Variants in RALYL observed in about 807,000 individuals in gnomAD.
RALYL encodes the protein RALY RNA binding protein like.
A neutral mutation model predicts 35.1 loss-of-function variants in RALYL; 29 were observed. The observed-to-expected ratio is 0.83, with a 90% CI of 0.61 to 1.13. The LOEUF (loss-of-function observed/expected upper bound fraction) is 1.13. Among genes scored for constraint, RALYL ranks in the 50% most tolerant of loss-of-function variants. The pLI, the probability that RALYL is intolerant of heterozygous loss-of-function variation, is 0.00. For missense variants in RALYL, 359 were observed against 360.4 expected, an observed-to-expected ratio of 1.00 and a Z score of 0.03; for synonymous variants, 120 against 127.6, an observed-to-expected ratio of 0.94 and a Z score of 0.40.
At position 84,614,467 on chromosome 8, in the gene RALYL, T is replaced by C. The variant is rs147438153; in HGVS notation, c.256+84890T>C. ...TGGTCACTAAACTTTAGATTACATCTTCCCTATTTCTCCAGAATGACTGTG... is the reference window on the plus strand; with the variant it reads ...TGGTCACTAAACTTTAGATTACATCCTCCCTATTTCTCCAGAATGACTGTG... On this transcript the variant is annotated intron_variant, in intron 2 of 8. Transcript: ENST00000521268. Among the ~76,000 whole-genome samples, 118 of 151,836 alleles carry C rather than the reference T, an allele frequency of 7.8e-4. No individual in the cohort carries two copies. The East Asian group carries it at 0.021, about 27-fold the overall frequency.
chr8:84,476,509 G>T (rs1403474132), intron 1 of RALYL, among the ~76,000 whole-genome samples: 1 of 152,112 alleles, frequency 6.6e-6, no homozygotes, highest in Non-Finnish European at 1.5e-5. Flanking sequence ...TTGCCTTAAG[G>T]TTAACAGAAA....
intron 1 of RALYL, among the ~76,000 whole-genome samples, chr8:84,447,576 C>A (rs1185045446): frequency 6.6e-6 from 1 of 151,996 alleles, no homozygotes; most frequent in Non-Finnish European, 1.5e-5. Context: ...GGTGGCTGTC[C>A]TCTCATGGTT....
chr8:84,698,500 G>GT (rs1564394741), intron 2 of RALYL, among the ~76,000 whole-genome samples: 1 of 151,870 alleles, frequency 6.6e-6, no homozygotes, highest in East Asian at 1.9e-4. Context: ...CCAGTTCATC[G>GT]TTTTTTTAGC....
At chr8:84,525,969 T>A in intron 1 of RALYL, among the ~76,000 whole-genome samples, 1 of 146,776 alleles carries the variant, frequency 6.8e-6, no homozygotes, top group Non-Finnish European at 1.5e-5. Flanking sequence ...TTTTTTTTTT[T>A]TTTTTTGAGA....
rs551169473 is a variant in RALYL at position 84,355,618 on chromosome 8, A to G, written c.-24+171194A>G. The stretch of plus-strand genomic sequence containing the variant: ...AAAATGGTAAGTATGCGATATAAAG[A>G]GAATGTGGTAGAGGGTGAAGGAGAT... On this transcript the variant is annotated intron_variant, in intron 1 of 8. Transcript: ENST00000521268. Among the ~76,000 whole-genome samples the G allele has an allele frequency of 2.0e-5, 3 of 150,476 alleles. No homozygotes were observed. In the East Asian group the frequency reaches 5.8e-4, roughly 29 times the overall value.
chr8:84,479,757 C>A (rs948836054), intron 1 of RALYL, among the ~76,000 whole-genome samples: 2 of 152,106 alleles, frequency 1.3e-5, no homozygotes, highest in African/African-American at 4.8e-5. Context: ...AAAAGTGTAT[C>A]CAAATATTCC....
At chr8:84,827,072 T>C (rs753138922) in intron 4 of RALYL, among the ~76,000 whole-genome samples, 2 of 152,092 alleles carry the variant, frequency 1.3e-5, no homozygotes, top group African/African-American at 4.8e-5. Flanking sequence ...TCTTAGAAAT[T>C]AAAAACCTTA....
intron 1 of RALYL, among the ~76,000 whole-genome samples, chr8:84,367,322 T>G (rs374023261): frequency 0.062 from 796 of 12,918 alleles, 19 homozygotes; most frequent in African/African-American, 0.22. Flanking sequence ...TTTTGTATTT[T>G]TTTTTTTTTT....
chr8:84,202,371 T>A lies in RALYL; in HGVS notation c.-24+17947T>A, dbSNP rs866970863. On this transcript the variant is annotated intron_variant, in intron 1 of 8. Coordinates refer to ENST00000521268, the MANE Select transcript of RALYL (RefSeq NM_173848.7). Reference sequence around the variant, plus strand: ...ATTATATGATCTATTGAAGGGATTTTTTTTTTTTTTTTTTTTTTTTGAGAC... The same window carrying A: ...ATTATATGATCTATTGAAGGGATTTATTTTTTTTTTTTTTTTTTTTGAGAC... 3.1e-3 allele frequency among the ~76,000 whole-genome samples: 419 copies of A among 135,006 alleles called. 4 individuals carry two copies. The highest frequency in any genetic ancestry group is 0.01 in the African/African-American group (306 of 29,774). 88.6% of individuals were successfully genotyped at this position (135,006 alleles called of 152,430 possible). A position where few individuals can be genotyped will look rare whatever the true frequency, so the allele number is the denominator to read the frequency against.
intron 3 of RALYL, among the ~76,000 whole-genome samples, chr8:84,792,516 G>A (rs916901845): frequency 2.0e-5 from 3 of 152,192 alleles, no homozygotes; most frequent in Non-Finnish European, 4.4e-5. Flanking sequence ...GGCGTTGCAG[G>A]CCAAAAGGCA....
chr8:84,420,737 A>C lies in RALYL; in HGVS notation c.-23-108562A>C, dbSNP rs1263554123. ...TTGATTTTTGTATAAGGTGTAAGGG[A>C]GGGATCCACTTTCAGCTTCCTACAT... On this transcript the variant is annotated intron_variant, in intron 1 of 8. Coordinates refer to ENST00000521268, the MANE Select transcript of RALYL (RefSeq NM_173848.7). Among the ~76,000 whole-genome samples the C allele has an allele frequency of 8.9e-5, 10 of 112,320 alleles. 1 individual carries two copies. In the East Asian group the frequency reaches 2.0e-3, roughly 23 times the overall value. 73.7% of individuals were successfully genotyped at this position (112,320 alleles called of 152,430 possible). A position where few individuals can be genotyped will look rare whatever the true frequency, so the allele number is the denominator to read the frequency against.
At chr8:84,464,634 A>C (rs377302892) in intron 1 of RALYL, among the ~76,000 whole-genome samples, 1 of 151,752 alleles carries the variant, frequency 6.6e-6, no homozygotes, top group African/African-American at 2.4e-5. Flanking sequence ...AGCATGATTT[A>C]TAGTCCTTTG....
intron 1 of RALYL, among the ~76,000 whole-genome samples, chr8:84,300,490 C>A (rs185068245): frequency 1.4e-3 from 218 of 151,994 alleles, no homozygotes; most frequent in African/African-American, 4.6e-3. Flanking sequence ...TCCTGAATAT[C>A]TTTGTTAGAT....
At chr8:84,302,759 G>T (rs1442217667) in intron 1 of RALYL, among the ~76,000 whole-genome samples, 1 of 152,182 alleles carries the variant, frequency 6.6e-6, no homozygotes, top group Non-Finnish European at 1.5e-5. Context: ...ATCTGCAGGG[G>T]AGTTTAATTA....
intron 1 of RALYL, among the ~76,000 whole-genome samples, chr8:84,454,830 G>C (rs749389447): frequency 6.6e-5 from 10 of 151,996 alleles, no homozygotes; most frequent in Non-Finnish European, 7.4e-5. Context: ...ACAGTGCAAG[G>C]CATGTGGGAG....
intron 4 of RALYL, among the ~76,000 whole-genome samples, chr8:84,815,320 AATAAT>A (rs1300506082): frequency 2.0e-5 from 3 of 150,644 alleles, no homozygotes; most frequent in South Asian, 2.1e-4. Flanking sequence ...CAAAATATTA[AATAAT>A]ATAATTTCAA....
intron 2 of RALYL, among the ~76,000 whole-genome samples, chr8:84,751,768 G>A (rs566978601): frequency 6.6e-6 from 1 of 152,208 alleles, no homozygotes; most frequent in Admixed American, 6.5e-5. Flanking sequence ...CCTGTGCCAA[G>A]ATTGAAAGTT....
intron 1 of RALYL, among the ~76,000 whole-genome samples, chr8:84,344,814 C>T (rs1427478159): frequency 6.6e-6 from 1 of 151,982 alleles, no homozygotes; most frequent in Non-Finnish European, 1.5e-5. Context: ...ATGTCCTTGG[C>T]TTATTTCACT....
chr8:84,912,918 T>C (rs73261940), intron 8 of RALYL, among the ~76,000 whole-genome samples: 1 of 152,106 alleles, frequency 6.6e-6, no homozygotes, highest in African/African-American at 2.4e-5. Context: ...ATTCTCTTCA[T>C]TAAAATGAGC....
Sources: allele counts gnomAD v4.1 joint callset (sites outside exome capture counted in the v4.1 genomes callset), GRCh38; gene constraint gnomAD v4.1.1; transcripts MANE v1.5; gene names NCBI Gene and HGNC (gene_info 2026-07-23, HGNC 2026-07-21).